The following DPF3 variants were observed in gnomAD, a reference collection of about 807,000 sequenced individuals.
The protein encoded by DPF3 is zinc finger protein DPF3.
Under a neutral mutation model 56.8 loss-of-function variants are expected in DPF3, and 18 were observed. The observed-to-expected ratio is 0.32, with a 90% CI of 0.22 to 0.47. The LOEUF (loss-of-function observed/expected upper bound fraction) is 0.47, where lower values mean the gene tolerates loss of function less well. Among genes scored for constraint, DPF3 ranks in the 20% least tolerant of loss-of-function variants. The probability of loss-of-function intolerance (pLI) is 1.00; values close to 1 mark genes in which losing one functional copy is unlikely to be tolerated. For missense variants in DPF3, 403 were observed against 488.8 expected (o/e 0.82, Z 1.65); for synonymous variants, 188 against 180.2 (o/e 1.04, Z -0.35).
chr14:72,764,749 C>T (rs1419393466), intron 2 of DPF3, among the ~76,000 whole-genome samples: 1 of 152,086 alleles, frequency 6.6e-6, no homozygotes, highest in Admixed American at 6.5e-5. Context: ...CCTCAGCCTC[C>T]CAAAGTGCTG....
At chr14:72,842,127 A>G (rs1339173338) in intron 1 of DPF3, among the ~76,000 whole-genome samples, 1 of 151,880 alleles carries the variant, frequency 6.6e-6, no homozygotes, top group Non-Finnish European at 1.5e-5. Context: ...TGACTATAGA[A>G]GAATTTTCTT....
intron 1 of DPF3, among the ~76,000 whole-genome samples, chr14:72,814,056 C>A (rs1431604839): frequency 1.3e-5 from 2 of 152,198 alleles, no homozygotes; most frequent in African/African-American, 2.4e-5. Flanking sequence ...AGCTAGTAGA[C>A]CTTTTCTTGT....
intron 7 of DPF3, among the ~76,000 whole-genome samples, chr14:72,690,692 A>G (rs763907795): frequency 2.6e-5 from 4 of 152,068 alleles, no homozygotes; most frequent in Non-Finnish European, 2.9e-5. Context: ...CAGGAGAACC[A>G]AGGAAAATGA....
chr14:72,826,297 C>T (rs902797885), intron 1 of DPF3, among the ~76,000 whole-genome samples: 10 of 152,214 alleles, frequency 6.6e-5, no homozygotes, highest in South Asian at 2.1e-4. Flanking sequence ...TTTAATGGCC[C>T]GTAAACAATA....
rs1298507999 is a variant in DPF3 at position 72,610,349 on chromosome 14, C to T, written c.*8948G>A. Among the ~76,000 whole-genome samples the T allele has an allele frequency of 6.6e-6, 1 of 152,190 alleles. No individual in the cohort carries two copies. The highest frequency in any genetic ancestry group is 1.5e-5 in the Non-Finnish European group (1 of 68,028). On this transcript the variant is annotated 3_prime_UTR_variant, in exon 11 of 11. Coordinates refer to ENST00000556509, the MANE Select transcript of DPF3 (RefSeq NM_001280542.3). ...CATTCCCAGGGACCTGGTCATCCTT[C>T]CTACCATAGGAGCCACCTGCCAAAG...
intron 7 of DPF3, among the ~76,000 whole-genome samples, chr14:72,677,022 A>C (rs1886941065): frequency 1.3e-5 from 2 of 152,212 alleles, no homozygotes; most frequent in Non-Finnish European, 2.9e-5. Context: ...AAAGGAAAAG[A>C]ATTGAATTCA....
intron 8 of DPF3, among the ~76,000 whole-genome samples, chr14:72,642,487 T>C (rs1336699795): frequency 6.6e-6 from 1 of 152,114 alleles, no homozygotes; most frequent in Non-Finnish European, 1.5e-5. Flanking sequence ...GCTGTTATTA[T>C]TTTTTTTCAG....
At chr14:72,803,644 A>G (rs1002893843) in intron 1 of DPF3, among the ~76,000 whole-genome samples, 2 of 152,210 alleles carry the variant, frequency 1.3e-5, no homozygotes, top group African/African-American at 4.8e-5. Flanking sequence ...AAGCTCCACA[A>G]GGGTATGAAT....
chr14:72,865,544 G>A (rs1599507393), intron 1 of DPF3, among the ~76,000 whole-genome samples: 1 of 152,142 alleles, frequency 6.6e-6, no homozygotes, highest in East Asian at 1.9e-4. Context: ...GCAGAGAGAT[G>A]GAAAGGGTTT....
At chr14:72,787,750 C>T (rs1892267994) in intron 1 of DPF3, among the ~76,000 whole-genome samples, 1 of 152,070 alleles carries the variant, frequency 6.6e-6, no homozygotes, top group Admixed American at 6.5e-5. Context: ...GCCCAAGGCA[C>T]GGACAGTAAT....
intron 8 of DPF3, among the ~76,000 whole-genome samples, chr14:72,652,508 G>C (rs1885942798): frequency 6.6e-6 from 1 of 152,174 alleles, no homozygotes; most frequent in African/African-American, 2.4e-5. Context: ...ATTAAGGCAG[G>C]AGAAGCAGGG....
chr14:72,878,424 A>G (rs1886198514), intron 1 of DPF3, among the ~76,000 whole-genome samples: 1 of 152,226 alleles, frequency 6.6e-6, no homozygotes, highest in African/African-American at 2.4e-5. Flanking sequence ...ATACTGTGAA[A>G]GTATACAAAA....
At chr14:72,819,416 T>C (rs28840762) in intron 1 of DPF3, among the ~76,000 whole-genome samples, 36,111 of 152,130 alleles carry the variant, frequency 0.24, 4,440 homozygotes, top group Middle Eastern at 0.41. Flanking sequence ...GTGGCAACTT[T>C]ATTCATAATA....
At chr14:72,871,077 A>G (rs1885881582) in intron 1 of DPF3, among the ~76,000 whole-genome samples, 1 of 152,248 alleles carries the variant, frequency 6.6e-6, no homozygotes, top group African/African-American at 2.4e-5. Context: ...CAGAAACCCC[A>G]GATAAACCCG....
intron 6 of DPF3, among the ~76,000 whole-genome samples, chr14:72,700,843 T>C (rs957119314): frequency 2.0e-5 from 3 of 152,198 alleles, no homozygotes; most frequent in Non-Finnish European, 4.4e-5. Context: ...TGAGAGAATG[T>C]ATTTAAAACA....
chr14:72,760,864 GC>G (rs1891041471), intron 2 of DPF3, among the ~76,000 whole-genome samples: 1 of 151,968 alleles, frequency 6.6e-6, no homozygotes, highest in Non-Finnish European at 1.5e-5. Context: ...ATGCAAATAG[GC>G]AAGAAGTAAA....
At chr14:72,622,185 G>A (rs1884492501) in intron 9 of DPF3, among the ~76,000 whole-genome samples, 1 of 152,132 alleles carries the variant, frequency 6.6e-6, no homozygotes, top group African/African-American at 2.4e-5. Flanking sequence ...GAGTAAGTCC[G>A]TAGCTTTCAT....
At chr14:72,663,568 T>C (rs1886317204) in intron 8 of DPF3, among the ~76,000 whole-genome samples, 2 of 152,174 alleles carry the variant, frequency 1.3e-5, no homozygotes, top group African/African-American at 4.8e-5. Context: ...ACGCATAGCT[T>C]TTGCTTCTAG....
rs1169667039 is a variant in DPF3, at chr14:72,662,422, CT to C, written c.871+11817del. 9.1e-6 allele frequency: 9 copies of C among 984,728 alleles called. No homozygotes were observed. In the African/African-American group the frequency reaches 1.4e-4, roughly 15 times the overall value. 61.0% of individuals were successfully genotyped at this position (984,728 alleles called of 1,614,324 possible). On this transcript the variant is annotated intron_variant, in intron 8 of 10. Coordinates refer to ENST00000556509, the MANE Select transcript of DPF3 (RefSeq NM_001280542.3). Reference sequence around the variant, plus strand: ...ACAAAAATACTGTGCCATGTCAGCACTTTTTTCCTTTTAAATATTGAAATAA... The same window carrying C: ...ACAAAAATACTGTGCCATGTCAGCACTTTTTCCTTTTAAATATTGAAATAA...
Sources: allele counts gnomAD v4.1 joint callset (sites outside exome capture counted in the v4.1 genomes callset), GRCh38; gene constraint gnomAD v4.1.1; transcripts MANE v1.5; gene names NCBI Gene and HGNC (gene_info 2026-07-23, HGNC 2026-07-21).